The following MAN2A1 variants were observed in gnomAD, a reference collection of about 807,000 sequenced individuals.
MAN2A1 encodes the protein alpha-mannosidase 2.
Under a neutral mutation model 142.6 loss-of-function variants are expected in MAN2A1, and 76 were observed. That is an observed-to-expected ratio of 0.53 (90% CI 0.44 to 0.65). The LOEUF is 0.65. Among genes scored for constraint, MAN2A1 ranks in the 30% least tolerant of loss-of-function variants. MAN2A1 has a pLI of 0.00. For synonymous variants in MAN2A1, 559 were observed against 473.2 expected (o/e 1.18, Z -2.35); for missense variants, 1,311 against 1,365.1 (o/e 0.96, Z 0.62).
intron 7 of MAN2A1, among the ~76,000 whole-genome samples, chr5:109,774,407 C>T (rs2112656793): frequency 6.6e-6 from 1 of 152,146 alleles, no homozygotes; most frequent in Non-Finnish European, 1.5e-5. Context: ...TATTGTCTTA[C>T]TAGATAAATC....
rs1755579629 is a variant in MAN2A1, at chr5:109,855,269, T to C, written c.3106T>C (p.Ser1036Pro). The change falls in exon 20 of 22, where the codon TCT becomes CCT. Residue 1036 changes from serine to proline, a missense_variant. Ser to Pro is a moderately conservative substitution (Grantham distance 74). Coordinates refer to ENST00000261483, the MANE Select transcript of MAN2A1 (RefSeq NM_002372.4). Reference protein sequence around the residue: ...SPTLELQGEFSPLQSSLPCDI... With the variant: ...SPTLELQGEFPPLQSSLPCDI... ...TACCCTTGAGCTGCAAGGTGAATTC[T>C]CTCCATTACAGTCATCTTTGCCTTG... 6.2e-7 allele frequency: 1 copy of C among 1,606,328 alleles called. No homozygotes were observed. Among genetic ancestry groups the C allele is most frequent in the Non-Finnish European group, 8.5e-7 (1 of 1,177,468 alleles).
At chr5:109,801,985 A>G (rs1422494504) in intron 12 of MAN2A1, among the ~76,000 whole-genome samples, 5 of 152,308 alleles carry the variant, frequency 3.3e-5, no homozygotes, top group East Asian at 1.9e-4. Flanking sequence ...ATGTGGGCCT[A>G]TGTTAAAATA....
At chr5:109,825,987 G>C (rs531634088) in intron 16 of MAN2A1, among the ~76,000 whole-genome samples, 19 of 132,112 alleles carry the variant, frequency 1.4e-4, no homozygotes, top group African/African-American at 5.3e-4. Context: ...GCTCACTGCA[G>C]CCTCTGCCCC....
At chr5:109,856,144 A>G (rs545713377) in intron 20 of MAN2A1, among the ~76,000 whole-genome samples, 131 of 152,332 alleles carry the variant, frequency 8.6e-4, no homozygotes, top group Middle Eastern at 3.4e-3. Flanking sequence ...GAGATTTACA[A>G]CTTTATGTCT....
chr5:109,839,651 T>C (rs925455120), intron 16 of MAN2A1, among the ~76,000 whole-genome samples: 11 of 145,468 alleles, frequency 7.6e-5, no homozygotes, highest in East Asian at 2.0e-4. Flanking sequence ...GTCTCTCTCT[T>C]TTTTTTTTTT....
chr5:109,753,368 T>C (rs1752598767), intron 4 of MAN2A1, among the ~76,000 whole-genome samples: 1 of 152,216 alleles, frequency 6.6e-6, no homozygotes, highest in Non-Finnish European at 1.5e-5. Context: ...AATTTAGTTG[T>C]GTTCTTAAAG....
chr5:109,836,639 C>T (rs1358233081), intron 16 of MAN2A1, among the ~76,000 whole-genome samples: 1 of 152,172 alleles, frequency 6.6e-6, no homozygotes, highest in Admixed American at 6.5e-5. Context: ...TACGGCTCAG[C>T]CTCCTGACGG....
rs560990136 is a variant in MAN2A1 at position 109,730,757 on chromosome 5, G to T, written c.707+1244G>T. Reference sequence around the variant, plus strand: ...ACAATTCTGTGAAATAGGTACAATTGTTATCATTGTTTTACACATAAGGAC... The same window carrying T: ...ACAATTCTGTGAAATAGGTACAATTTTTATCATTGTTTTACACATAAGGAC... On this transcript the variant is annotated intron_variant, in intron 4 of 21. Transcript: ENST00000261483. Among the ~76,000 whole-genome samples, 44 of 152,216 alleles carry T rather than the reference G, an allele frequency of 2.9e-4. 1 individual carries two copies. The East Asian group carries it at 7.9e-3, about 27-fold the overall frequency.
At chr5:109,847,459 G>T (rs1023916469) in intron 18 of MAN2A1, among the ~76,000 whole-genome samples, 198 bp from the exon 19 acceptor site, 1 of 152,096 alleles carries the variant, frequency 6.6e-6, no homozygotes, top group African/African-American at 2.4e-5. Context: ...ATACTATCCT[G>T]TTTTATGAAT....
chr5:109,766,715 A>G (rs1243589832), intron 5 of MAN2A1, among the ~76,000 whole-genome samples: 1 of 152,128 alleles, frequency 6.6e-6, no homozygotes, highest in African/African-American at 2.4e-5. Context: ...ACACAGCAAT[A>G]TTACTTATGT....
At chr5:109,829,947 G>T (rs1016889861) in intron 16 of MAN2A1, among the ~76,000 whole-genome samples, 1 of 152,054 alleles carries the variant, frequency 6.6e-6, no homozygotes, top group Non-Finnish European at 1.5e-5. Flanking sequence ...TTGGACCATT[G>T]TCTCCATAAA....
chr5:109,842,854 G>A (rs994070315), intron 17 of MAN2A1, among the ~76,000 whole-genome samples: 4 of 133,142 alleles, frequency 3.0e-5, no homozygotes, highest in African/African-American at 1.1e-4. Context: ...TGCCCAGGCT[G>A]GAGTGCAGTG....
intron 12 of MAN2A1, among the ~76,000 whole-genome samples, chr5:109,805,449 G>T (rs1365443839): frequency 6.6e-6 from 1 of 152,090 alleles, no homozygotes; most frequent in Non-Finnish European, 1.5e-5. Flanking sequence ...ACTTTTGAGG[G>T]TTAACATTTT....
intron 4 of MAN2A1, among the ~76,000 whole-genome samples, chr5:109,731,532 C>A (rs1751911615): frequency 1.8e-5 from 2 of 109,494 alleles, no homozygotes; most frequent in Non-Finnish European, 3.5e-5. Context: ...CCACAACAGT[C>A]CCCAGAGTGT....
chr5:109,770,612 G>T lies in MAN2A1; in HGVS notation c.1196+71G>T, dbSNP rs1235337888. Reference sequence around the variant, plus strand: ...CCACTTAGCTGCTAGTTGCTGAAGGGTTGAACAAATGGGCTTTATTAGCCA... The same window carrying T: ...CCACTTAGCTGCTAGTTGCTGAAGGTTTGAACAAATGGGCTTTATTAGCCA... On this transcript the variant is annotated intron_variant, in intron 7 of 21. Transcript: ENST00000261483. The T allele has an allele frequency of 3.6e-6, 5 of 1,397,594 alleles. No homozygotes were observed. In the African/African-American group the frequency reaches 7.1e-5, roughly 20 times the overall value. The allele number at this position is 1,397,594 out of a possible 1,614,324, so 86.6% of individuals were successfully genotyped here. A position where few individuals can be genotyped will look rare whatever the true frequency, so the allele number is the denominator to read the frequency against.
intron 12 of MAN2A1, among the ~76,000 whole-genome samples, chr5:109,799,915 C>T (rs1255351903): frequency 6.6e-6 from 1 of 152,024 alleles, no homozygotes; most frequent in African/African-American, 2.4e-5. Context: ...TGGTGAAACC[C>T]TACCTCTACA....
In MAN2A1 at chr5:109,869,558, G is replaced by A. The variant is rs1038496022; in HGVS notation, c.*2560G>A. The A allele has an allele frequency of 6.6e-6, 1 of 151,888 alleles. No individual in the cohort carries two copies. The highest frequency in any genetic ancestry group is 1.5e-5 in the Non-Finnish European group (1 of 67,984). 9.4% of individuals were successfully genotyped at this position (151,888 alleles called of 1,614,324 possible). A position where few individuals can be genotyped will look rare whatever the true frequency, so the allele number is the denominator to read the frequency against. On this transcript the variant is annotated 3_prime_UTR_variant, in exon 22 of 22. Coordinates refer to ENST00000261483, the MANE Select transcript of MAN2A1 (RefSeq NM_002372.4). The stretch of plus-strand genomic sequence containing the variant: ...TCAACAGGTTTTGATATTTTCTCTT[G>A]GAAGATTTTATATCTTTTTGGGAAT...
At chr5:109,741,592 C>T (rs2112606607) in intron 4 of MAN2A1, among the ~76,000 whole-genome samples, 1 of 152,028 alleles carries the variant, frequency 6.6e-6, no homozygotes, top group Middle Eastern at 3.4e-3. Flanking sequence ...CCTGTTAATT[C>T]CAGCAGAGTT....
At chr5:109,810,367 A>G (rs1430845886) in intron 12 of MAN2A1, among the ~76,000 whole-genome samples, 4 of 152,180 alleles carry the variant, frequency 2.6e-5, no homozygotes, top group African/African-American at 7.2e-5. Flanking sequence ...AGACTGATTT[A>G]TTCAACCTGT....
Sources: allele counts gnomAD v4.1 joint callset (sites outside exome capture counted in the v4.1 genomes callset), GRCh38; gene constraint gnomAD v4.1.1; transcripts MANE v1.5; gene names NCBI Gene and HGNC (gene_info 2026-07-23, HGNC 2026-07-21).